Variants in SLC44A1 observed in about 807,000 individuals in gnomAD.
SLC44A1 encodes the protein choline transporter-like protein 1.
Under a neutral mutation model 79.3 loss-of-function variants are expected in SLC44A1, and 26 were observed. That is an observed-to-expected ratio of 0.33 (90% CI 0.24 to 0.46). The LOEUF (loss-of-function observed/expected upper bound fraction) is 0.46, where lower values mean the gene tolerates loss of function less well. SLC44A1 is among the 20% of genes least tolerant of loss of function. SLC44A1 has a pLI of 1.00. For synonymous variants in SLC44A1, 263 were observed against 286.2 expected (o/e 0.92, Z 0.82); for missense variants, 688 against 798.1 (o/e 0.86, Z 1.66).
chr9:105,279,547 A>G (rs1314719100), intron 1 of SLC44A1, among the ~76,000 whole-genome samples: 1 of 151,818 alleles, frequency 6.6e-6, no homozygotes, highest in Non-Finnish European at 1.5e-5. Flanking sequence ...CAATCTCTTG[A>G]CCTCGTGAGC....
intron 4 of SLC44A1, among the ~76,000 whole-genome samples, chr9:105,342,986 AAAT>A (rs1328605718): frequency 3.5e-4 from 51 of 145,498 alleles, no homozygotes; most frequent in African/African-American, 1.3e-3. Flanking sequence ...AAAAAAAAAA[AAAT>A]ATATATATAT....
intron 15 of SLC44A1, among the ~76,000 whole-genome samples, chr9:105,435,163 C>CAAA (rs77661811): frequency 7.6e-6 from 1 of 130,768 alleles, no homozygotes; most frequent in African/African-American, 2.7e-5. Context: ...CAAAACAAAA[C>CAAA]AAAAAAAAAA....
chr9:105,347,666 A>G (rs71494521), intron 4 of SLC44A1, among the ~76,000 whole-genome samples: 1 of 151,286 alleles, frequency 6.6e-6, no homozygotes, highest in African/African-American at 2.4e-5. Flanking sequence ...AGAAAAATTA[A>G]TTTTTTTTTG....
At chr9:105,247,837 C>T (rs1377862188) in intron 1 of SLC44A1, among the ~76,000 whole-genome samples, 1 of 152,214 alleles carries the variant, frequency 6.6e-6, no homozygotes, top group Admixed American at 6.5e-5. Context: ...GACCCATCTA[C>T]TGTTTGTAAA....
chr9:105,323,303 G>A (rs978662659), intron 3 of SLC44A1, among the ~76,000 whole-genome samples: 5 of 151,154 alleles, frequency 3.3e-5, no homozygotes, highest in Admixed American at 3.3e-4. Context: ...TGATATAAAA[G>A]CAATACAATG....
At chr9:105,269,677 C>T (rs928801436) in intron 1 of SLC44A1, among the ~76,000 whole-genome samples, 1 of 152,170 alleles carries the variant, frequency 6.6e-6, no homozygotes, top group African/African-American at 2.4e-5. Flanking sequence ...TCACTTTCTT[C>T]CCCCTTTTAA....
At chr9:105,300,306 CTCTT>C (rs1830844346) in intron 2 of SLC44A1, among the ~76,000 whole-genome samples, 1 of 152,166 alleles carries the variant, frequency 6.6e-6, no homozygotes. Context: ...TTATTGCTCT[CTCTT>C]TCTTAGTCTT....
intron 1 of SLC44A1, among the ~76,000 whole-genome samples, chr9:105,292,694 A>G (rs1269755775): frequency 1.3e-5 from 2 of 152,180 alleles, no homozygotes; most frequent in African/African-American, 4.8e-5. Context: ...CGTTTCCTTA[A>G]TGTTCCCCAT....
chr9:105,350,483 A>C (rs1413578032), intron 5 of SLC44A1, among the ~76,000 whole-genome samples: 1 of 152,004 alleles, frequency 6.6e-6, no homozygotes, highest in African/African-American at 2.4e-5. Flanking sequence ...GTTTTTGGTG[A>C]CTTTTTTTAA....
intron 13 of SLC44A1, among the ~76,000 whole-genome samples, chr9:105,378,242 C>G (rs563003804): frequency 1.8e-4 from 28 of 152,318 alleles, no homozygotes; most frequent in Admixed American, 1.4e-3. Flanking sequence ...AAGCGGGACT[C>G]TGTCTCAAAA....
Position 105,392,684 on chromosome 9 carries a change from CAACT to C in SLC44A1, c.*3630_*3633del. 1 of 983,212 alleles carries C rather than the reference CAACT, an allele frequency of 1.0e-6. No homozygotes were observed. 60.9% of individuals were successfully genotyped at this position (983,212 alleles called of 1,614,324 possible). On this transcript the variant is annotated 3_prime_UTR_variant, in exon 16 of 16. Transcript: ENST00000374720. ...GGCCACATCACTGCCCCTGAGGCTT[CAACT>C]ATTTCCACCATGCACTATTACTAGC...
intron 1 of SLC44A1, among the ~76,000 whole-genome samples, chr9:105,265,094 C>A (rs969724875): frequency 2.0e-5 from 3 of 152,178 alleles, no homozygotes; most frequent in African/African-American, 7.2e-5. Flanking sequence ...CCGTGCCAGG[C>A]CCATTCTTTC....
At chr9:105,353,449 A>G (rs1458549660) in intron 5 of SLC44A1, among the ~76,000 whole-genome samples, 1 of 152,192 alleles carries the variant, frequency 6.6e-6, no homozygotes, top group African/African-American at 2.4e-5. Context: ...AACACTGAAC[A>G]TATTGGGCAT....
chr9:105,251,226 T>TA (rs1829579279), intron 1 of SLC44A1, among the ~76,000 whole-genome samples: 1 of 152,192 alleles, frequency 6.6e-6, no homozygotes, highest in African/African-American at 2.4e-5. Context: ...TTCAGTACTT[T>TA]ATCTCTGGTT....
Position 105,361,326 on chromosome 9 carries a change from T to A in SLC44A1, c.896T>A (p.Phe299Tyr). 1.2e-6 allele frequency: 2 copies of A among 1,602,628 alleles called. No homozygotes were observed. The highest frequency in any genetic ancestry group is 1.7e-6 in the Non-Finnish European group (2 of 1,175,352). Residue 299 changes from phenylalanine (F) to tyrosine (Y), a missense_variant, in exon 8 of 16, where the codon TTC (phenylalanine) becomes TAC (tyrosine). Coordinates refer to ENST00000374720, the MANE Select transcript of SLC44A1 (RefSeq NM_080546.5). ...ATTTATGCCATTTCAGCTACAGTGT[T>A]CACAGTGAGTTTAGGCTTTGGCGTG... ...LLIYAISATVFTVILFLIMLV... is the reference protein window; with the variant it reads ...LLIYAISATVYTVILFLIMLV...
intron 1 of SLC44A1, among the ~76,000 whole-genome samples, chr9:105,289,469 CATAA>C (rs1830553814): frequency 6.6e-6 from 1 of 152,122 alleles, no homozygotes; most frequent in Non-Finnish European, 1.5e-5. Flanking sequence ...ACTGGGAAAA[CATAA>C]ATAATTATAA....
At chr9:105,420,295 A>G (rs1829228887) in intron 15 of SLC44A1, among the ~76,000 whole-genome samples, 1 of 152,190 alleles carries the variant, frequency 6.6e-6, no homozygotes, top group East Asian at 1.9e-4. Context: ...AAGGCAGTGA[A>G]AACACTTGAT....
intron 3 of SLC44A1, among the ~76,000 whole-genome samples, chr9:105,323,990 T>C (rs1277177145): frequency 6.6e-6 from 1 of 152,022 alleles, no homozygotes; most frequent in Non-Finnish European, 1.5e-5. Context: ...TTCTCCCAAG[T>C]GCTTTTTGTT....
intron 10 of SLC44A1, 81 bp downstream of exon 10, chr9:105,364,801 G>A: frequency 9.6e-7 from 1 of 1,042,726 alleles, no homozygotes; most frequent in Non-Finnish European, 1.4e-6. Context: ...GAATCAGACT[G>A]GGGCTGGCAG....
Sources: gnomAD v4.1 joint callset for allele counts (sites outside exome capture counted in the v4.1 genomes callset) on GRCh38, gnomAD v4.1.1 for gene constraint, MANE v1.5 for transcripts, NCBI Gene and HGNC (gene_info 2026-07-23, HGNC 2026-07-21) for gene names.